Variants in ARPP21 observed in about 807,000 individuals in gnomAD.
The protein encoded by ARPP21 is cAMP regulated phosphoprotein 21.
Under a neutral mutation model 113.2 loss-of-function variants are expected in ARPP21, and 69 were observed. That is an observed-to-expected ratio of 0.61 (90% CI 0.50 to 0.74). The LOEUF is 0.74. Ranked by LOEUF, ARPP21 falls within the 30% of genes least tolerant of loss-of-function variation. The pLI, the probability that ARPP21 is intolerant of heterozygous loss-of-function variation, is 0.00. For synonymous variants in ARPP21, 368 were observed against 375.5 expected, an observed-to-expected ratio of 0.98 and a Z score of 0.23; for missense variants, 1,070 against 1,037.4, an observed-to-expected ratio of 1.03 and a Z score of -0.43.
At chr3:35,755,113 AT>A (rs1367697418) in intron 19 of ARPP21, among the ~76,000 whole-genome samples, 1 of 151,966 alleles carries the variant, frequency 6.6e-6, no homozygotes, top group Non-Finnish European at 1.5e-5. Flanking sequence ...CAAGAATGTG[AT>A]TTACCTGATT....
intron 19 of ARPP21, among the ~76,000 whole-genome samples, chr3:35,778,383 G>A (rs2096437341): frequency 1.3e-5 from 2 of 152,068 alleles, no homozygotes; most frequent in Non-Finnish European, 2.9e-5. Context: ...AGATCAAAGG[G>A]CAGAGGGAGA....
At chr3:35,698,005 A>G (rs1041094187) in intron 9 of ARPP21, among the ~76,000 whole-genome samples, 1 of 151,550 alleles carries the variant, frequency 6.6e-6, no homozygotes, top group African/African-American at 2.4e-5. Flanking sequence ...TGTCATTTCT[A>G]AACATGGTAA....
chr3:35,780,517 A>G (rs952332341), intron 19 of ARPP21, among the ~76,000 whole-genome samples: 1 of 152,038 alleles, frequency 6.6e-6, no homozygotes, highest in Admixed American at 6.6e-5. Context: ...ATGAACTAAG[A>G]GAGTAGAGAT....
intron 1 of ARPP21, among the ~76,000 whole-genome samples, chr3:35,657,261 C>T (rs1705427610): frequency 6.6e-6 from 1 of 152,040 alleles, no homozygotes; most frequent in Admixed American, 6.6e-5. Context: ...TCAGAAATTG[C>T]CATCCATTCA....
At chr3:35,673,844 A>G (rs569504206) in intron 1 of ARPP21, among the ~76,000 whole-genome samples, 7 of 152,090 alleles carry the variant, frequency 4.6e-5, no homozygotes, top group Middle Eastern at 3.4e-3. Context: ...TCTTGGAGGA[A>G]TGAAGAAGAA....
chr3:35,653,057 G>T (rs1703121417), intron 1 of ARPP21, among the ~76,000 whole-genome samples: 1 of 151,944 alleles, frequency 6.6e-6, no homozygotes, highest in African/African-American at 2.4e-5. Context: ...GATTATGTTT[G>T]ATCAAAAGCT....
At chr3:35,716,747 C>T (rs1300680040) in intron 12 of ARPP21, among the ~76,000 whole-genome samples, 3 of 151,958 alleles carry the variant, frequency 2.0e-5, no homozygotes, top group Non-Finnish European at 4.4e-5. Context: ...ATCTTCCTCC[C>T]TAATCTTATC....
rs1050135097 is a variant in ARPP21, at chr3:35,639,949, G to A, written c.-662G>A. 1.3e-5 allele frequency: 2 copies of A among 152,286 alleles called. No individual in the cohort carries two copies. Among genetic ancestry groups the A allele is most frequent in the African/African-American group, 4.8e-5 (2 of 41,456 alleles). 9.4% of individuals were successfully genotyped at this position (152,286 alleles called of 1,614,324 possible). A position where few individuals can be genotyped will look rare whatever the true frequency, so the allele number is the denominator to read the frequency against. The stretch of plus-strand genomic sequence containing the variant: ...AGAATCCCGCGCCGAGCTGCTAGTC[G>A]GACCCACAGACGGTCGGACTGACAG... On this transcript the variant is annotated 5_prime_UTR_variant, in exon 1 of 21. Transcript: ENST00000684406. This position sits in a 1 kb window ranked among gnomAD's most constrained non-coding sequence, Gnocchi z 5.0.
rs183097694 is a variant in ARPP21 at position 35,763,241 on chromosome 3, A to T, written c.2137+19276A>T. On this transcript the variant is annotated intron_variant, in intron 19 of 20. Coordinates refer to ENST00000684406, the MANE Select transcript of ARPP21 (RefSeq NM_001385562.1). ...TAAAACACCATTGGTTTTGATTAATAGTTCTCTTACCTGCCTCATTTCTGC... is the reference window on the plus strand; with the variant it reads ...TAAAACACCATTGGTTTTGATTAATTGTTCTCTTACCTGCCTCATTTCTGC... Among the ~76,000 whole-genome samples, 431 of 152,226 alleles carry T rather than the reference A, an allele frequency of 2.8e-3. 1 individual carries two copies. The highest frequency in any genetic ancestry group is 9.4e-3 in the African/African-American group (390 of 41,546).
At chr3:35,748,078 G>GA (rs1553720295) in intron 19 of ARPP21, among the ~76,000 whole-genome samples, 1 of 111,296 alleles carries the variant, frequency 9.0e-6, no homozygotes, top group African/African-American at 3.6e-5. Context: ...AAGAAAGAAA[G>GA]AAAGAAAGAA....
intron 1 of ARPP21, among the ~76,000 whole-genome samples, chr3:35,672,848 G>T (rs2076675806): frequency 6.6e-6 from 1 of 152,042 alleles, no homozygotes; most frequent in Non-Finnish European, 1.5e-5. Flanking sequence ...TGTCTTCCCT[G>T]CTGTAGGCTA....
chr3:35,684,402 C>T, intron 5 of ARPP21: 1 of 976,584 alleles, frequency 1.0e-6, no homozygotes, highest in Non-Finnish European at 1.2e-6. Context: ...CATATTTTTA[C>T]CCTTATTTTT....
intron 19 of ARPP21, among the ~76,000 whole-genome samples, chr3:35,748,567 T>C (rs1368418103): frequency 6.6e-6 from 1 of 152,130 alleles, no homozygotes; most frequent in Non-Finnish European, 1.5e-5. Context: ...ATAAAAAGAC[T>C]GTAATTTTAA....
intron 19 of ARPP21, among the ~76,000 whole-genome samples, chr3:35,779,492 A>T (rs979703599): frequency 5.3e-5 from 8 of 152,150 alleles, no homozygotes; most frequent in African/African-American, 1.9e-4. Flanking sequence ...TACTCCTCTA[A>T]ACCTCAGCTG....
chr3:35,763,203 T>C (rs2151344810), intron 19 of ARPP21, among the ~76,000 whole-genome samples: 1 of 152,234 alleles, frequency 6.6e-6, no homozygotes, highest in South Asian at 2.1e-4. Flanking sequence ...TAAATGGCAC[T>C]CTTCAGGTGC....
intron 19 of ARPP21, among the ~76,000 whole-genome samples, chr3:35,756,062 C>T (rs1454124746): frequency 6.6e-6 from 1 of 152,060 alleles, no homozygotes; most frequent in East Asian, 1.9e-4. Context: ...AACCAATCAG[C>T]ATGGGCTCAT....
chr3:35,678,090 C>T (rs1232471594), intron 1 of ARPP21, among the ~76,000 whole-genome samples: 1 of 151,872 alleles, frequency 6.6e-6, no homozygotes, highest in African/African-American at 2.4e-5. Context: ...CCAGGCTGTC[C>T]CTGCTTTGAG....
intron 19 of ARPP21, among the ~76,000 whole-genome samples, chr3:35,758,052 A>T (rs1280226486): frequency 1.3e-5 from 2 of 152,116 alleles, no homozygotes; most frequent in Non-Finnish European, 1.5e-5. Flanking sequence ...TAGAAAATTT[A>T]AAAATTCTAT....
At chr3:35,743,704 A>T in intron 18 of ARPP21, 135 bp from the exon 19 acceptor site, 2 of 839,362 alleles carry the variant, frequency 2.4e-6, no homozygotes, top group African/African-American at 1.7e-5. Context: ...ATGCACATAC[A>T]CATAGGCATG....
Sources: allele counts gnomAD v4.1 joint callset (sites outside exome capture counted in the v4.1 genomes callset), GRCh38; gene constraint gnomAD v4.1.1; non-coding constraint Gnocchi (gnomAD v3.1); transcripts MANE v1.5; gene names NCBI Gene and HGNC (gene_info 2026-07-23, HGNC 2026-07-21).